The following ADGRG7 variants were observed in gnomAD, a reference collection of about 807,000 sequenced individuals.
ADGRG7 encodes the protein G-protein coupled receptor 128.
A neutral mutation model predicts 88.6 loss-of-function variants in ADGRG7; 82 were observed. The ratio of observed to expected loss-of-function variants is 0.93; its 90% CI spans 0.77 to 1.11. The LOEUF is 1.11. Ranked by LOEUF, ADGRG7 falls within the 50% of genes most tolerant of loss-of-function variation. ADGRG7 has a pLI of 0.00. For synonymous variants in ADGRG7, 381 were observed against 345.2 expected, an observed-to-expected ratio of 1.10 and a Z score of -1.15; for missense variants, 945 against 953.4, an observed-to-expected ratio of 0.99 and a Z score of 0.12.
Position 100,611,154 on chromosome 3 carries a change from T to A in ADGRG7, c.115+1183T>A, listed in dbSNP as rs563263434. ...AAATAGTTTCATTCAGGTTAAAAAATTATGAACTATGGATTTTACCCCATT... is the reference window on the plus strand; with the variant it reads ...AAATAGTTTCATTCAGGTTAAAAAAATATGAACTATGGATTTTACCCCATT... On this transcript the variant is annotated intron_variant, in intron 1 of 15. Coordinates refer to ENST00000273352, the MANE Select transcript of ADGRG7 (RefSeq NM_032787.3). Among the ~76,000 whole-genome samples the A allele has an allele frequency of 5.8e-4, 88 of 152,324 alleles. 2 individuals are homozygous for A. The South Asian group carries it at 0.018, about 32-fold the overall frequency.
intron 8 of ADGRG7, among the ~76,000 whole-genome samples, chr3:100,644,032 G>A (rs777106650): frequency 2.0e-5 from 3 of 152,010 alleles, no homozygotes; most frequent in Non-Finnish European, 2.9e-5. Context: ...ACCTAACCCT[G>A]GAGAAGTCTA....
intron 2 of ADGRG7, among the ~76,000 whole-genome samples, chr3:100,630,313 C>T (rs1454775551): frequency 6.6e-6 from 1 of 152,142 alleles, no homozygotes; most frequent in African/African-American, 2.4e-5. Flanking sequence ...ATTTCCTATA[C>T]TCCTACCAGT....
intron 1 of ADGRG7, among the ~76,000 whole-genome samples, chr3:100,613,801 G>C (rs927605944): frequency 6.6e-6 from 1 of 152,040 alleles, no homozygotes; most frequent in African/African-American, 2.4e-5. Flanking sequence ...AAACGTTGAC[G>C]ATCTAACATG....
At position 100,672,300 on chromosome 3, in the gene ADGRG7, T is replaced by C. The variant is rs989142438; in HGVS notation, c.2136+3195T>C. Among the ~76,000 whole-genome samples, 14 of 152,228 alleles carry C rather than the reference T, an allele frequency of 9.2e-5. 1 individual carries two copies. Among genetic ancestry groups the C allele is most frequent in the Admixed American group, 5.9e-4 (9 of 15,284 alleles). ...CCTTGTAAGTTGTATTTCTAGATAT[T>C]TTATTCTCTTTGTACCAATTGTGAA... On this transcript the variant is annotated intron_variant, in intron 15 of 15. Transcript: ENST00000273352.
Position 100,659,732 on chromosome 3 carries a change from C to T in ADGRG7, c.1868C>T (p.Pro623Leu), listed in dbSNP as rs150136013. The T allele has an allele frequency of 3.2e-5, 51 of 1,613,850 alleles. No homozygotes were observed. Among genetic ancestry groups the T allele is most frequent in the Non-Finnish European group, 3.5e-5 (41 of 1,179,962 alleles). The change falls in exon 14 of 16, where the codon CCG (proline) becomes CTG (leucine). Residue 623 changes from proline (P) to leucine (L), a missense_variant. Pro to Leu is a moderately conservative substitution (Grantham distance 98). Transcript: ENST00000273352. ...GAACCCAATGGTGTTATAAAAAGTC[C>T]GCTGTTGTGGTCATTCATCGTACCT... ...IPEPNGVIKS[P>L]LLWSFIVPVT...
chr3:100,668,551 C>T (rs552526961), intron 14 of ADGRG7, among the ~76,000 whole-genome samples: 4 of 152,348 alleles, frequency 2.6e-5, no homozygotes, highest in Non-Finnish European at 4.4e-5. Flanking sequence ...CTGCATCTAA[C>T]TAACCTTTCT....
At chr3:100,660,952 CAAA>C (rs112296437) in intron 14 of ADGRG7, among the ~76,000 whole-genome samples, 5 of 96,944 alleles carry the variant, frequency 5.2e-5, no homozygotes, top group Non-Finnish European at 4.6e-5. Context: ...AACTCCATCT[CAAA>C]AAAAAAAAAA....
intron 4 of ADGRG7, among the ~76,000 whole-genome samples, chr3:100,635,147 C>A (rs952435342): frequency 6.6e-6 from 1 of 152,066 alleles, no homozygotes; most frequent in Non-Finnish European, 1.5e-5. Flanking sequence ...GAGGTCATCT[C>A]GGCCAGTGCC....
chr3:100,620,209 C>G (rs1707289213), intron 1 of ADGRG7, among the ~76,000 whole-genome samples: 1 of 152,194 alleles, frequency 6.6e-6, no homozygotes, highest in African/African-American at 2.4e-5. Flanking sequence ...GCTTATCCAC[C>G]ATGATCAAGT....
rs115857770 is a variant in ADGRG7 at position 100,677,539 on chromosome 3, A to G, written c.2136+8434A>G. Among the ~76,000 whole-genome samples, 584 of 152,180 alleles carry G rather than the reference A, an allele frequency of 3.8e-3. 5 individuals are homozygous for G. Among genetic ancestry groups the G allele is most frequent in the African/African-American group, 0.011 (470 of 41,560 alleles). Reference sequence around the variant, plus strand: ...TAATACCAGTGAGTTTCGTACTTTAACATAATTTCTTATTGCTTATTTTCT... The same window carrying G: ...TAATACCAGTGAGTTTCGTACTTTAGCATAATTTCTTATTGCTTATTTTCT... On this transcript the variant is annotated intron_variant, in intron 15 of 15. Coordinates refer to ENST00000273352, the MANE Select transcript of ADGRG7 (RefSeq NM_032787.3).
At chr3:100,666,204 G>A (rs981937303) in intron 14 of ADGRG7, among the ~76,000 whole-genome samples, 1 of 152,116 alleles carries the variant, frequency 6.6e-6, no homozygotes, top group African/African-American at 2.4e-5. Context: ...GAGAGACTTG[G>A]AGAAGAACAA....
rs775566793 is a variant in ADGRG7 at position 100,633,316 on chromosome 3, T to G, written c.386T>G (p.Ile129Arg). 11 of 1,590,054 alleles carry G rather than the reference T, an allele frequency of 6.9e-6. No individual in the cohort carries two copies. Among genetic ancestry groups the G allele is most frequent in the African/African-American group, 6.8e-5 (5 of 73,544 alleles). ...TGCAGTCTCTCTCTATATGGAGAGATAGAATTACAAAAAGTGACAATAGGA... is the reference window on the plus strand; with the variant it reads ...TGCAGTCTCTCTCTATATGGAGAGAGAGAATTACAAAAAGTGACAATAGGA... ...RLCSLSLYGE[I>R]ELQKVTIGNC... is the part of the protein sequence containing the mutation. Residue 129 changes from isoleucine to arginine, a missense_variant, in exon 4 of 16, where the codon ATA (isoleucine) becomes AGA (arginine). Ile to Arg is a moderately conservative substitution (Grantham distance 97). Transcript: ENST00000273352.
At chr3:100,680,091 A>T (rs557129852) in intron 15 of ADGRG7, among the ~76,000 whole-genome samples, 1 of 152,348 alleles carries the variant, frequency 6.6e-6, no homozygotes, top group South Asian at 2.1e-4. Flanking sequence ...TTCTCCACCT[A>T]TGATTGAAAA....
At chr3:100,684,997 A>G (rs2094979740) in intron 15 of ADGRG7, among the ~76,000 whole-genome samples, 1 of 152,098 alleles carries the variant, frequency 6.6e-6, no homozygotes, top group South Asian at 2.1e-4. Context: ...TTATAATACT[A>G]GATTATGTTT....
At chr3:100,647,224 C>T (rs1337219999) in intron 10 of ADGRG7, among the ~76,000 whole-genome samples, 1 of 152,026 alleles carries the variant, frequency 6.6e-6, no homozygotes, top group Admixed American at 6.6e-5. Context: ...GAACTTTTTG[C>T]TATGTGGTCT....
intron 9 of ADGRG7, 120 bp downstream of exon 9, chr3:100,646,228 G>GGGGGCCCC: frequency 5.0e-6 from 1 of 199,624 alleles, no homozygotes; most frequent in Non-Finnish European, 9.9e-6. Flanking sequence ...GGGGGGGAGG[G>GGGGGCCCC]TTTTCCATGA....
intron 6 of ADGRG7, among the ~76,000 whole-genome samples, chr3:100,642,098 T>C (rs114889554): frequency 1.8e-3 from 277 of 152,300 alleles, no homozygotes; most frequent in Non-Finnish European, 3.0e-3. Context: ...AGTGGGAACA[T>C]GAAAAACACC....
intron 15 of ADGRG7, among the ~76,000 whole-genome samples, chr3:100,691,065 G>A (rs985245524): frequency 5.9e-5 from 9 of 152,210 alleles, no homozygotes; most frequent in East Asian, 5.8e-4. Context: ...CAGCAATGGC[G>A]GGCGCCCCTC....
Position 100,694,920 on chromosome 3 carries a change from A to C in ADGRG7, c.2313A>C (p.Glu771Asp). The C allele has an allele frequency of 6.2e-7, 1 of 1,614,172 alleles. No homozygotes were observed. The change falls in exon 16 of 16, where the codon GAA becomes GAC. Residue 771 changes from glutamate (E) to aspartate (D), a missense_variant. Physicochemically the swap from Glu to Asp is conservative, Grantham distance 45. Transcript: ENST00000273352. ...TCAGGTCATTGCCAACCTTACATGA[A>C]CGCTTTAGGCTACTGGAAACCTCTC... is the stretch of plus-strand genomic sequence containing the variant. ...NFLRSLPTLH[E>D]RFRLLETSPS...
Sources: gnomAD v4.1 joint callset for allele counts (sites outside exome capture counted in the v4.1 genomes callset) on GRCh38, gnomAD v4.1.1 for gene constraint, MANE v1.5 for transcripts, NCBI Gene and HGNC (gene_info 2026-07-23, HGNC 2026-07-21) for gene names.